The following SLTM variants were observed in gnomAD, a reference collection of about 807,000 sequenced individuals.
The protein encoded by SLTM is SAFB-like transcription modulator.
SLTM carries 43 observed loss-of-function variants against 134.6 expected under a neutral mutation model. The observed-to-expected ratio is 0.32, with a 90% CI of 0.25 to 0.41. The LOEUF is 0.41. Among genes scored for constraint, SLTM ranks in the 10% least tolerant of loss-of-function variants. The pLI is 1.00. For synonymous variants in SLTM, 424 were observed against 432.3 expected, an observed-to-expected ratio of 0.98 and a Z score of 0.24; for missense variants, 1,055 against 1,288.8, an observed-to-expected ratio of 0.82 and a Z score of 2.78.
chr15:58,885,860 A>C (rs2034140299), intron 19 of SLTM, among the ~76,000 whole-genome samples: 1 of 152,008 alleles, frequency 6.6e-6, no homozygotes, highest in African/African-American at 2.4e-5. Flanking sequence ...CAAAACAAAC[A>C]CCAGCATATA....
chr15:58,930,110 G>C (rs1222645052), intron 2 of SLTM, among the ~76,000 whole-genome samples: 9 of 151,464 alleles, frequency 5.9e-5, no homozygotes, highest in Admixed American at 5.3e-4. Context: ...ACAAATGATT[G>C]AATGTTACAA....
chr15:58,927,877 T>A (rs1417699897), intron 2 of SLTM, among the ~76,000 whole-genome samples: 1 of 152,238 alleles, frequency 6.6e-6, no homozygotes, highest in Non-Finnish European at 1.5e-5. Context: ...TGATACTGTG[T>A]TATATGAAAT....
At chr15:58,882,793 T>C (rs1430059707) in intron 20 of SLTM, among the ~76,000 whole-genome samples, 5 of 152,034 alleles carry the variant, frequency 3.3e-5, no homozygotes, top group Admixed American at 2.0e-4. Context: ...ATGAAAGAGA[T>C]GGGGAAGCTG....
rs533648207 is a variant in SLTM at position 58,915,693 on chromosome 15, G to C, written c.315+1242C>G. Among the ~76,000 whole-genome samples the C allele has an allele frequency of 4.6e-5, 7 of 152,156 alleles. No homozygotes were observed. The South Asian group carries it at 1.5e-3, about 32-fold the overall frequency. On this transcript the variant is annotated intron_variant, in intron 3 of 20. Transcript: ENST00000380516. Reference sequence around the variant, plus strand: ...CTAACTCCTCAACAAAACATCTTTTGGGGGTGGGGTTGTGTCTGTGTGTGT... The same window carrying C: ...CTAACTCCTCAACAAAACATCTTTTCGGGGTGGGGTTGTGTCTGTGTGTGT...
chr15:58,910,693 A>C (rs2036205298), intron 5 of SLTM, among the ~76,000 whole-genome samples: 1 of 151,740 alleles, frequency 6.6e-6, no homozygotes, highest in Admixed American at 6.6e-5. Context: ...CAAATCAGTA[A>C]TCTAGAAAAG....
intron 20 of SLTM, among the ~76,000 whole-genome samples, chr15:58,881,182 A>C (rs1320542714): frequency 6.6e-6 from 1 of 151,692 alleles, no homozygotes; most frequent in Non-Finnish European, 1.5e-5. Flanking sequence ...TGTCACAGCG[A>C]GACTCCATCT....
intron 5 of SLTM, among the ~76,000 whole-genome samples, chr15:58,910,243 T>C (rs989298643): frequency 6.6e-6 from 1 of 152,220 alleles, no homozygotes; most frequent in Non-Finnish European, 1.5e-5. Flanking sequence ...TGGCCATTAT[T>C]TGAAAACAGC....
At chr15:58,913,804 T>G (rs1295300054) in intron 3 of SLTM, 108 bp from the exon 4 acceptor site, 1 of 795,300 alleles carries the variant, frequency 1.3e-6, no homozygotes, top group South Asian at 1.7e-5. Context: ...TTGATCATAT[T>G]TTAATATTCC....
Position 58,887,040 on chromosome 15 carries a change from C to G in SLTM, c.2770G>C (p.Ala924Pro), listed in dbSNP as rs377675303. ...CCCTCTCTGCTCCCGTACCCCGAAG[C>G]GCTGCTACGATTCCCAGGGGGAGCG... ...RGAPPGNRSS[A>P]SGYGSREGDR... The change falls in exon 19 of 21, where the codon GCT becomes CCT. Residue 924 changes from alanine (A) to proline (P), a missense_variant. Coordinates refer to ENST00000380516, the MANE Select transcript of SLTM (RefSeq NM_024755.4). 2 of 1,613,610 alleles carry G rather than the reference C, an allele frequency of 1.2e-6. No individual in the cohort carries two copies. The highest frequency in any genetic ancestry group is 1.7e-6 in the Non-Finnish European group (2 of 1,180,036).
At chr15:58,911,857 T>C (rs2036295224) in intron 5 of SLTM, among the ~76,000 whole-genome samples, 1 of 152,178 alleles carries the variant, frequency 6.6e-6, no homozygotes, top group South Asian at 2.1e-4. Flanking sequence ...ATGCCTGTTG[T>C]AGGAGTGTTA....
intron 3 of SLTM, 100 bp from the exon 4 acceptor site, chr15:58,913,796 GATC>G: frequency 1.2e-6 from 1 of 842,216 alleles, no homozygotes; most frequent in Non-Finnish European, 1.9e-6. Flanking sequence ...TGTCAAATTT[GATC>G]ATATTTTAAT....
At chr15:58,922,555 AT>A (rs2037154833) in intron 2 of SLTM, among the ~76,000 whole-genome samples, 2 of 5,604 alleles carry the variant, frequency 3.6e-4, no homozygotes, top group Non-Finnish European at 3.4e-3. Context: ...TATGTATATA[AT>A]ATGTATATAA....
chr15:58,906,398 G>T (rs2035871432), intron 5 of SLTM, among the ~76,000 whole-genome samples: 1 of 152,134 alleles, frequency 6.6e-6, no homozygotes, highest in African/African-American at 2.4e-5. Context: ...TTCACAGTGG[G>T]ATGTGCAATC....
chr15:58,894,968 G>C (rs1163572336), intron 9 of SLTM, among the ~76,000 whole-genome samples: 1 of 152,128 alleles, frequency 6.6e-6, no homozygotes, highest in Non-Finnish European at 1.5e-5. Flanking sequence ...GCCTCCCACA[G>C]TGCTGGGATT....
chr15:58,887,923 G>C (rs1239659955), intron 17 of SLTM, among the ~76,000 whole-genome samples: 5 of 152,158 alleles, frequency 3.3e-5, no homozygotes. Context: ...GGCTGAGGTG[G>C]GTGGATCACT....
At position 58,893,733 on chromosome 15, in the gene SLTM, C is replaced by G. The variant is rs1440052549; in HGVS notation, c.1648+88G>C. 7 of 1,397,682 alleles carry G rather than the reference C, an allele frequency of 5.0e-6. No homozygotes were observed. The African/African-American group carries it at 7.3e-5, about 14-fold the overall frequency. The allele number at this position is 1,397,682 out of a possible 1,614,324, so 86.6% of individuals were successfully genotyped here. A position where few individuals can be genotyped will look rare whatever the true frequency, so the allele number is the denominator to read the frequency against. ...TGACACCTAACAACAAAGCTTATATCTGGATTAGAATTTCAGGTTTTCCCT... is the reference window on the plus strand; with the variant it reads ...TGACACCTAACAACAAAGCTTATATGTGGATTAGAATTTCAGGTTTTCCCT... On this transcript the variant is annotated intron_variant, in intron 12 of 20. Coordinates refer to ENST00000380516, the MANE Select transcript of SLTM (RefSeq NM_024755.4).
At chr15:58,903,493 A>G (rs1203358711) in intron 5 of SLTM, among the ~76,000 whole-genome samples, 1 of 140,304 alleles carries the variant, frequency 7.1e-6, no homozygotes, top group Admixed American at 7.6e-5. Context: ...AAAACAAAAC[A>G]CAGATTTTGA....
chr15:58,933,423 A>G lies in SLTM; in HGVS notation c.143T>C (p.Leu48Pro). The change falls in exon 1 of 21, where the codon CTC becomes CCC. Residue 48 changes from leucine (L) to proline (P), a missense_variant. Physicochemically the swap from Leu to Pro is moderately conservative, Grantham distance 98 (BLOSUM62 -3). Around this residue, in one of 3 missense-constraint regions of SLTM, gnomAD observed 268 missense variants for 284.3 expected, o/e 0.94. Coordinates refer to ENST00000380516, the MANE Select transcript of SLTM (RefSeq NM_024755.4). Reference sequence around the variant, plus strand: ...CCTCACCTGCTTGAGTCGGGAGATGAGCACGGTCTTGACTCCGGTGATGTC... The same window carrying G: ...CCTCACCTGCTTGAGTCGGGAGATGGGCACGGTCTTGACTCCGGTGATGTC... ...NLDITGVKTV[L>P]ISRLKQAIEE... 2 of 1,582,330 alleles carry G rather than the reference A, an allele frequency of 1.3e-6. No individual in the cohort carries two copies. The highest frequency in any genetic ancestry group is 1.7e-6 in the Non-Finnish European group (2 of 1,164,746).
At chr15:58,880,739 T>TA (rs1226739432) in intron 20 of SLTM, among the ~76,000 whole-genome samples, 1 of 152,002 alleles carries the variant, frequency 6.6e-6, no homozygotes, top group African/African-American at 2.4e-5. Flanking sequence ...TAATTTTTTT[T>TA]ATTTTTCTTA....
Sources: allele counts gnomAD v4.1 joint callset (sites outside exome capture counted in the v4.1 genomes callset), GRCh38; gene constraint gnomAD v4.1.1; regional missense constraint gnomAD v4.1.1; transcripts MANE v1.5; gene names NCBI Gene and HGNC (gene_info 2026-07-23, HGNC 2026-07-21).